Variants in CACNA1B observed in about 807,000 individuals in gnomAD.
CACNA1B encodes calcium voltage-gated channel subunit alpha1 B.
CACNA1B carries 70 observed loss-of-function variants against 247.2 expected under a neutral mutation model. The observed-to-expected ratio is 0.28, with a 90% CI of 0.23 to 0.35. CACNA1B has a LOEUF of 0.35. Ranked by LOEUF, CACNA1B falls within the 10% of genes least tolerant of loss-of-function variation. The pLI is 1.00. For missense variants in CACNA1B, 2,367 were observed against 3,197.4 expected, an observed-to-expected ratio of 0.74 and a Z score of 6.26; for synonymous variants, 1,231 against 1,294.4, an observed-to-expected ratio of 0.95 and a Z score of 1.05.
intron 15 of CACNA1B, among the ~76,000 whole-genome samples, chr9:138,005,663 C>G (rs1220430428): frequency 3.3e-5 from 5 of 152,198 alleles, no homozygotes; most frequent in African/African-American, 1.2e-4. Context: ...TATCCGAATA[C>G]CCTATTTGAT....
rs147505987 is a variant in CACNA1B at position 137,954,907 on chromosome 9, A to G, written c.1071-791A>G. Among the ~76,000 whole-genome samples, 11 of 147,630 alleles carry G rather than the reference A, an allele frequency of 7.5e-5. No individual in the cohort carries two copies. The highest frequency in any genetic ancestry group is 2.2e-4 in the South Asian group (1 of 4,630). On this transcript the variant is annotated intron_variant, in intron 7 of 46. Transcript: ENST00000371372. This position sits in a 1 kb window ranked among gnomAD's most constrained non-coding sequence, Gnocchi z 4.1. ...GAGAGAGAGAGAGAGAGAGAGGGGG[A>G]GAGAGAGAGAGAGAGAATGGCTTGC...
rs932145164 is a variant in CACNA1B, at chr9:138,072,479, CTT to C, written c.4675-1007_4675-1006del. On this transcript the variant is annotated intron_variant, in intron 32 of 46. Coordinates refer to ENST00000371372, the MANE Select transcript of CACNA1B (RefSeq NM_000718.4). The surrounding 1 kb of genome is among the most constrained non-coding windows in gnomAD (Gnocchi z 4.5). ...CTGTCTCATTTGACATCTGTGTTCTCTTTATTTGATGACTGAATCTGACAACA... is the reference window on the plus strand; with the variant it reads ...CTGTCTCATTTGACATCTGTGTTCTCTATTTGATGACTGAATCTGACAACA... 3.9e-5 allele frequency among the ~76,000 whole-genome samples: 6 copies of C among 152,246 alleles called. No homozygotes were observed. The highest frequency in any genetic ancestry group is 1.4e-4 in the African/African-American group (6 of 41,474).
At chr9:138,024,696 A>G (rs1331016779) in intron 19 of CACNA1B, among the ~76,000 whole-genome samples, 2 of 152,130 alleles carry the variant, frequency 1.3e-5, no homozygotes, top group Non-Finnish European at 2.9e-5. Flanking sequence ...TGGCGCAATC[A>G]TGGCTCACTG....
At chr9:137,907,067 G>A (rs1400622167) in intron 3 of CACNA1B, among the ~76,000 whole-genome samples, 1 of 152,258 alleles carries the variant, frequency 6.6e-6, no homozygotes, top group Non-Finnish European at 1.5e-5. Context: ...GCACGTGGGT[G>A]TGTGGGCATT....
intron 31 of CACNA1B, among the ~76,000 whole-genome samples, chr9:138,063,976 G>A (rs934138326): frequency 1.3e-5 from 2 of 152,178 alleles, no homozygotes; most frequent in Non-Finnish European, 2.9e-5. Flanking sequence ...CCAGTGTGGT[G>A]GGTTCGGCCA....
intron 8 of CACNA1B, among the ~76,000 whole-genome samples, chr9:137,956,282 G>A (rs1453978780): frequency 6.6e-6 from 1 of 152,174 alleles, no homozygotes; most frequent in African/African-American, 2.4e-5. Context: ...GACACAAGGC[G>A]GCTGAGTCCT....
chr9:137,985,905 G>A (rs1312407403), intron 13 of CACNA1B, among the ~76,000 whole-genome samples: 2 of 152,246 alleles, frequency 1.3e-5, no homozygotes, highest in African/African-American at 2.4e-5. Flanking sequence ...CGTGTCCCTT[G>A]TCCCTGGTGA....
chr9:138,093,785 C>CA lies in CACNA1B; in HGVS notation c.5095-2694dup, dbSNP rs558074947. Among the ~76,000 whole-genome samples the CA allele has an allele frequency of 2.2e-3, 337 of 151,940 alleles. 1 individual carries two copies. Among genetic ancestry groups the CA allele is most frequent in the African/African-American group, 7.3e-3 (302 of 41,446 alleles). On this transcript the variant is annotated intron_variant, in intron 36 of 46. Coordinates refer to ENST00000371372, the MANE Select transcript of CACNA1B (RefSeq NM_000718.4). ...AATTAAATTAATTAATAAATATTGG[C>CA]AAAAATGTGGAGAAATTTCAACCCT...
intron 36 of CACNA1B, among the ~76,000 whole-genome samples, chr9:138,088,514 A>G (rs775633950): frequency 6.6e-6 from 1 of 152,202 alleles, no homozygotes; most frequent in Non-Finnish European, 1.5e-5. Flanking sequence ...ATTAGTGACT[A>G]TTATGAACAA....
At chr9:137,987,158 C>G (rs1324815395) in intron 15 of CACNA1B, among the ~76,000 whole-genome samples, 8 of 152,196 alleles carry the variant, frequency 5.3e-5, no homozygotes, top group East Asian at 1.9e-4. Context: ...CTCTTAGCTC[C>G]TGAGACTTGC....
Position 137,917,636 on chromosome 9 carries a change from T to G in CACNA1B, c.966+205T>G, listed in dbSNP as rs1366521572. Reference sequence around the variant, plus strand: ...CACCACAGGCAGCCTCAGCTCAGACTCCTGAGGTGGGTCCTCCTGGAGTTG... The same window carrying G: ...CACCACAGGCAGCCTCAGCTCAGACGCCTGAGGTGGGTCCTCCTGGAGTTG... On this transcript the variant is annotated intron_variant, in intron 6 of 46. Coordinates refer to ENST00000371372, the MANE Select transcript of CACNA1B (RefSeq NM_000718.4). This position sits in a 1 kb window ranked among gnomAD's most constrained non-coding sequence, Gnocchi z 5.5. Among the ~76,000 whole-genome samples the G allele has an allele frequency of 2.0e-5, 3 of 152,184 alleles. No homozygotes were observed. The highest frequency in any genetic ancestry group is 7.2e-5 in the African/African-American group (3 of 41,444).
At position 137,913,920 on chromosome 9, in the gene CACNA1B, A is replaced by G. The variant is rs945416510; in HGVS notation, c.622+649A>G. Reference sequence around the variant, plus strand: ...GATTGGCTCCCTGTTCTACCCTGAGACCTTGCCAGGCAATGGTTCTGGCCC... The same window carrying G: ...GATTGGCTCCCTGTTCTACCCTGAGGCCTTGCCAGGCAATGGTTCTGGCCC... On this transcript the variant is annotated intron_variant, in intron 4 of 46. Coordinates refer to ENST00000371372, the MANE Select transcript of CACNA1B (RefSeq NM_000718.4). This position sits in a 1 kb window ranked among gnomAD's most constrained non-coding sequence, Gnocchi z 5.2. Among the ~76,000 whole-genome samples the G allele has an allele frequency of 6.6e-6, 1 of 152,126 alleles. No individual in the cohort carries two copies. Among genetic ancestry groups the G allele is most frequent in the Non-Finnish European group, 1.5e-5 (1 of 68,010 alleles).
chr9:138,047,607 A>G (rs2133481863), intron 23 of CACNA1B, 149 bp downstream of exon 23: 5 of 636,684 alleles, frequency 7.9e-6, no homozygotes, highest in Non-Finnish European at 1.1e-5. Context: ...TGCTCAGCAC[A>G]TGAACATGTG....
In CACNA1B at chr9:138,096,579, C is replaced by T; in HGVS notation, c.5190C>T (p.Ile1730=). ...GTCCTCACCACTTGGATGAGTTCAT[C>T]CGGGTCTGGGCTGAATACGACCCGG... The part of the protein sequence containing the change: ...ILGPHHLDEF[I]RVWAEYDPAA... Residue 1730 remains isoleucine (I), a synonymous_variant, in exon 37 of 47, where the codon ATC becomes ATT. Transcript: ENST00000371372. 1 of 1,613,214 alleles carries T rather than the reference C, an allele frequency of 6.2e-7. No individual in the cohort carries two copies.
rs1385648677 is a variant in CACNA1B at position 138,072,427 on chromosome 9, C to T, written c.4675-1061C>T. ...ATGCTCTGCCAGGCCCTCACCGCCT[C>T]TGCGCCTGCACGTGCTCCTGCTGCT... On this transcript the variant is annotated intron_variant, in intron 32 of 46. Coordinates refer to ENST00000371372, the MANE Select transcript of CACNA1B (RefSeq NM_000718.4). The surrounding 1 kb of genome is among the most constrained non-coding windows in gnomAD (Gnocchi z 4.5). Among the ~76,000 whole-genome samples, 1 of 152,274 alleles carries T rather than the reference C, an allele frequency of 6.6e-6. No individual in the cohort carries two copies. The highest frequency in any genetic ancestry group is 2.4e-5 in the African/African-American group (1 of 41,476).
In CACNA1B at chr9:138,121,373, C is replaced by A; in HGVS notation, c.6490-96C>A. ...CCATTGCCTCCCTCTCTCCTCCCAT[C>A]CCCCCAGGCACCTGTGTGTGATGTG... On this transcript the variant is annotated intron_variant, in intron 46 of 46. Coordinates refer to ENST00000371372, the MANE Select transcript of CACNA1B (RefSeq NM_000718.4). This position sits in a 1 kb window ranked among gnomAD's most constrained non-coding sequence, Gnocchi z 6.8. The A allele has an allele frequency of 2.1e-6, 2 of 959,812 alleles. No individual in the cohort carries two copies. The highest frequency in any genetic ancestry group is 3.0e-6 in the Non-Finnish European group (2 of 665,968). The allele number at this position is 959,812 out of a possible 1,614,324, so 59.5% of individuals were successfully genotyped here. A position where few individuals can be genotyped will look rare whatever the true frequency, so the allele number is the denominator to read the frequency against.
At position 138,009,590 on chromosome 9, in the gene CACNA1B, G is replaced by C. The variant is rs527576790; in HGVS notation, c.2093-420G>C. Among the ~76,000 whole-genome samples, 47 of 152,286 alleles carry C rather than the reference G, an allele frequency of 3.1e-4. No homozygotes were observed. In the East Asian group the frequency reaches 8.9e-3, roughly 29 times the overall value. Reference sequence around the variant, plus strand: ...AGCCTGTGGAGTAGGAGCTGTTTGTGGGGAGGCTTCTTGTGCTGGCCGGGG... The same window carrying C: ...AGCCTGTGGAGTAGGAGCTGTTTGTCGGGAGGCTTCTTGTGCTGGCCGGGG... On this transcript the variant is annotated intron_variant, in intron 16 of 46. Transcript: ENST00000371372.
chr9:137,976,078 C>T (rs1292263137), intron 12 of CACNA1B, 59 bp downstream of exon 12: 15 of 1,038,718 alleles, frequency 1.4e-5, no homozygotes, highest in Admixed American at 1.9e-5. Flanking sequence ...GTGCACACAG[C>T]CCCCTCCCAT....
chr9:137,991,738 C>T (rs1045648374), intron 15 of CACNA1B, among the ~76,000 whole-genome samples: 1 of 152,162 alleles, frequency 6.6e-6, no homozygotes, highest in African/African-American at 2.4e-5. Context: ...GAAGATTTCT[C>T]AACAGAAACC....
Sources: allele counts gnomAD v4.1 joint callset (sites outside exome capture counted in the v4.1 genomes callset), GRCh38; gene constraint gnomAD v4.1.1; non-coding constraint Gnocchi (gnomAD v3.1); transcripts MANE v1.5; gene names NCBI Gene and HGNC (gene_info 2026-07-23, HGNC 2026-07-21).